Variants in ARFGEF3 observed in about 807,000 individuals in gnomAD.
ARFGEF3 encodes the protein ARFGEF family member 3.
ARFGEF3 carries 96 observed loss-of-function variants against 221.7 expected under a neutral mutation model. That is an observed-to-expected ratio of 0.43 (90% CI 0.37 to 0.51). The LOEUF (loss-of-function observed/expected upper bound fraction) is 0.51. ARFGEF3 is among the 20% of genes least tolerant of loss of function. The pLI, the probability that ARFGEF3 is intolerant of heterozygous loss-of-function variation, is 0.00. For synonymous variants in ARFGEF3, 1,145 were observed against 1,126.8 expected, an observed-to-expected ratio of 1.02 and a Z score of -0.32; for missense variants, 2,410 against 2,789.9, an observed-to-expected ratio of 0.86 and a Z score of 3.07.
intron 14 of ARFGEF3, among the ~76,000 whole-genome samples, chr6:138,283,008 G>A (rs375859971): frequency 7.2e-5 from 11 of 152,018 alleles, no homozygotes; most frequent in Middle Eastern, 3.4e-3. Flanking sequence ...CTGAGATCGC[G>A]TCACTGCACT....
In ARFGEF3 at chr6:138,186,824, C is replaced by T. The variant is rs566891344; in HGVS notation, c.137+16111C>T. 3.3e-5 allele frequency among the ~76,000 whole-genome samples: 5 copies of T among 151,326 alleles called. No individual in the cohort carries two copies. The South Asian group carries it at 1.0e-3, about 32-fold the overall frequency. On this transcript the variant is annotated intron_variant, in intron 2 of 33. Coordinates refer to ENST00000251691, the MANE Select transcript of ARFGEF3 (RefSeq NM_020340.5). ...AGAAAAGGGCCTGTTTCCTTAGACT[C>T]TGCTGCTCTTCTCACTGCACTGTCC...
chr6:138,195,053 A>G (rs1583004810), intron 2 of ARFGEF3, among the ~76,000 whole-genome samples: 1 of 116,702 alleles, frequency 8.6e-6, no homozygotes, highest in East Asian at 2.6e-4. Flanking sequence ...CCCAGGCTGG[A>G]GTGCAGTGGC....
intron 17 of ARFGEF3, among the ~76,000 whole-genome samples, chr6:138,287,413 C>A (rs1398049543): frequency 6.6e-6 from 1 of 152,194 alleles, no homozygotes; most frequent in East Asian, 1.9e-4. Flanking sequence ...CCCCTGGTGG[C>A]AAGGAAAGTG....
chr6:138,299,657 C>T (rs1779594242), intron 22 of ARFGEF3, among the ~76,000 whole-genome samples: 1 of 152,166 alleles, frequency 6.6e-6, no homozygotes, highest in Admixed American at 6.5e-5. Flanking sequence ...GCTGGTTTTC[C>T]CGCGAGGGAA....
At chr6:138,234,148 T>G (rs1465453101) in intron 5 of ARFGEF3, among the ~76,000 whole-genome samples, 1 of 152,196 alleles carries the variant, frequency 6.6e-6, no homozygotes, top group Non-Finnish European at 1.5e-5. Context: ...TGTTTGGAGT[T>G]AGAAGACACA....
intron 12 of ARFGEF3, among the ~76,000 whole-genome samples, chr6:138,270,210 A>G (rs941643120): frequency 5.3e-5 from 8 of 152,220 alleles, no homozygotes; most frequent in Non-Finnish European, 1.2e-4. Flanking sequence ...CCAAGTAAGA[A>G]GAAAATGGTT....
Position 138,263,426 on chromosome 6 carries a change from T to G in ARFGEF3, c.1943T>G (p.Leu648Arg), listed in dbSNP as rs755870219. The change falls in exon 12 of 34, where the codon CTA becomes CGA. Residue 648 changes from leucine (L) to arginine (R), a missense_variant. Leu to Arg is a moderately radical substitution (Grantham distance 102, BLOSUM62 -2). This residue lies in a region of ARFGEF3 where 594 missense variants were observed against 734.3 expected (regional missense o/e 0.81). Transcript: ENST00000251691. ...GAAGAGCAGACACCCCGGGACTGCC[T>G]AGGCCACCGGTCCCTGCGAACTGCC... The part of the protein sequence containing the change: ...ADEEQTPRDC[L>R]GHRSLRTAAL... The G allele has an allele frequency of 6.2e-7, 1 of 1,613,880 alleles. No individual in the cohort carries two copies. The highest frequency in any genetic ancestry group is 1.3e-5 in the African/African-American group (1 of 74,930).
At chr6:138,172,166 T>C (rs2114431865) in intron 2 of ARFGEF3, among the ~76,000 whole-genome samples, 1 of 152,336 alleles carries the variant, frequency 6.6e-6, no homozygotes, top group South Asian at 2.1e-4. Context: ...ATGAACAGAA[T>C]GTCTGGCAAC....
intron 12 of ARFGEF3, among the ~76,000 whole-genome samples, chr6:138,269,829 GC>G (rs1244896389): frequency 6.6e-6 from 1 of 151,996 alleles, no homozygotes; most frequent in African/African-American, 2.4e-5. Context: ...AAAAAAAAAG[GC>G]AATATTACTA....
chr6:138,224,249 G>T (rs1245677211), intron 4 of ARFGEF3, among the ~76,000 whole-genome samples: 2 of 152,206 alleles, frequency 1.3e-5, no homozygotes, highest in Non-Finnish European at 2.9e-5. Flanking sequence ...AGAGCATAAT[G>T]GGAAATATCA....
chr6:138,304,150 G>T (rs1779677906), intron 22 of ARFGEF3, among the ~76,000 whole-genome samples: 1 of 152,182 alleles, frequency 6.6e-6, no homozygotes, highest in South Asian at 2.1e-4. Context: ...TCCACAGAAT[G>T]AAATATTATT....
In ARFGEF3 at chr6:138,263,485, G is replaced by A; in HGVS notation, c.2002G>A (p.Ala668Thr). The change falls in exon 12 of 34, where the codon GCG becomes ACG. Residue 668 changes from alanine to threonine, a missense_variant. Ala to Thr is a moderately conservative substitution (Grantham distance 58, BLOSUM62 0). Coordinates refer to ENST00000251691, the MANE Select transcript of ARFGEF3 (RefSeq NM_020340.5). ...LSLKLLKNQE[A>T]DQHSARLFIQ... is the part of the protein sequence containing the mutation. ...TCTAAAACTGCTGAAGAACCAGGAG[G>A]CGGATCAGCACAGCGCCAGGCTGTT... is the stretch of plus-strand genomic sequence containing the variant. 4 of 1,613,872 alleles carry A rather than the reference G, an allele frequency of 2.5e-6. No homozygotes were observed. Among genetic ancestry groups the A allele is most frequent in the Non-Finnish European group, 3.4e-6 (4 of 1,179,896 alleles).
Position 138,263,540 on chromosome 6 carries a change from G to T in ARFGEF3, c.2057G>T (p.Arg686Leu). 1.2e-6 allele frequency: 2 copies of T among 1,613,140 alleles called. No individual in the cohort carries two copies. Among genetic ancestry groups the T allele is most frequent in the Non-Finnish European group, 1.7e-6 (2 of 1,179,828 alleles). The change falls in exon 12 of 34, where the codon CGG becomes CTG. Residue 686 changes from arginine to leucine, a missense_variant. By Grantham distance (102) the Arg-to-Leu change is moderately radical. Coordinates refer to ENST00000251691, the MANE Select transcript of ARFGEF3 (RefSeq NM_020340.5). ...CAGTCCCTGGAAGGCCTCCTCCCTC[G>T]GCTCCTGTCTCTCTCCAATGTAGAG... Reference protein sequence around the residue: ...FIQSLEGLLPRLLSLSNVEEV... With the variant: ...FIQSLEGLLPLLLSLSNVEEV...
chr6:138,279,356 A>G (rs942915699), intron 13 of ARFGEF3, among the ~76,000 whole-genome samples: 3 of 152,174 alleles, frequency 2.0e-5, no homozygotes, highest in Admixed American at 1.3e-4. Context: ...CCGTATTCCA[A>G]CATGTTCCCA....
rs566233804 is a variant in ARFGEF3 at position 138,268,426 on chromosome 6, C to T, written c.2128+4815C>T. Among the ~76,000 whole-genome samples, 260 of 152,360 alleles carry T rather than the reference C, an allele frequency of 1.7e-3. 1 individual carries two copies. Among genetic ancestry groups the T allele is most frequent in the Non-Finnish European group, 3.1e-3 (213 of 68,036 alleles). On this transcript the variant is annotated intron_variant, in intron 12 of 33. Transcript: ENST00000251691. Reference sequence around the variant, plus strand: ...CAGGGGGCTGCTTTCTCGGCTGAATCACAGTCACTCAGTGTTTCTCAGTGA... The same window carrying T: ...CAGGGGGCTGCTTTCTCGGCTGAATTACAGTCACTCAGTGTTTCTCAGTGA...
intron 17 of ARFGEF3, among the ~76,000 whole-genome samples, chr6:138,288,558 G>A (rs947853672): frequency 1.3e-5 from 2 of 151,550 alleles, no homozygotes; most frequent in African/African-American, 2.4e-5. Context: ...GCGTGGTGGT[G>A]GGTGCCTGTA....
rs763412090 is a variant in ARFGEF3 at position 138,298,753 on chromosome 6, C to G, written c.3796C>G (p.Leu1266Val). 1.9e-6 allele frequency: 3 copies of G among 1,613,144 alleles called. No individual in the cohort carries two copies. Among genetic ancestry groups the G allele is most frequent in the Non-Finnish European group, 2.5e-6 (3 of 1,179,682 alleles). Residue 1266 changes from leucine to valine, a missense_variant, in exon 22 of 34, where the codon CTG becomes GTG. Leu to Val is a conservative substitution (Grantham distance 32, BLOSUM62 1). Transcript: ENST00000251691. ...CCGACCTTTCGAGCGCATTATGCAG[C>G]TGGAATTGTGTGATGAGGACGTCCA... ...LFRPFERIMQLELCDEDVQDQ... is the reference protein window; with the variant it reads ...LFRPFERIMQVELCDEDVQDQ...
At chr6:138,225,791 T>A (rs945974808) in intron 4 of ARFGEF3, among the ~76,000 whole-genome samples, 4 of 151,766 alleles carry the variant, frequency 2.6e-5, no homozygotes, top group Non-Finnish European at 5.9e-5. Flanking sequence ...TTTCTAATAT[T>A]TTTTTTTACT....
chr6:138,223,722 G>T (rs1562359463), intron 4 of ARFGEF3, among the ~76,000 whole-genome samples: 1 of 151,980 alleles, frequency 6.6e-6, no homozygotes, highest in Non-Finnish European at 1.5e-5. Flanking sequence ...TTTCCCCTAG[G>T]TTTAATTTAT....
Sources: gnomAD v4.1 joint callset for allele counts (sites outside exome capture counted in the v4.1 genomes callset) on GRCh38, gnomAD v4.1.1 for gene constraint, gnomAD v4.1.1 regional missense constraint, MANE v1.5 for transcripts, NCBI Gene and HGNC (gene_info 2026-07-23, HGNC 2026-07-21) for gene names.